ADGRL2: variants seen among roughly 807,000 people sequenced by gnomAD.
The protein encoded by ADGRL2 is adhesion G protein-coupled receptor L2.
Under a neutral mutation model 157.4 loss-of-function variants are expected in ADGRL2, and 44 were observed. The ratio of observed to expected loss-of-function variants is 0.28; its 90% CI spans 0.22 to 0.36. ADGRL2 has a LOEUF of 0.36. Ranked by LOEUF, ADGRL2 falls within the 10% of genes least tolerant of loss-of-function variation. ADGRL2 has a pLI of 1.00. For missense variants in ADGRL2, 1,510 were observed against 1,768.9 expected, an observed-to-expected ratio of 0.85 and a Z score of 2.63; for synonymous variants, 585 against 624.7, an observed-to-expected ratio of 0.94 and a Z score of 0.95.
At chr1:81,412,435 CA>C (rs2076961821) in intron 1 of ADGRL2, among the ~76,000 whole-genome samples, 1 of 152,224 alleles carries the variant, frequency 6.6e-6, no homozygotes, top group Admixed American at 6.5e-5. Flanking sequence ...TCTTCTCTTA[CA>C]GTTCAACTTT....
intron 1 of ADGRL2, among the ~76,000 whole-genome samples, chr1:81,316,073 T>C (rs946029940): frequency 1.3e-5 from 2 of 151,898 alleles, no homozygotes; most frequent in African/African-American, 4.8e-5. Flanking sequence ...CCCTTAGCTG[T>C]TTGTCTACTC....
At chr1:81,809,246 A>G (rs1338554129) in intron 1 of ADGRL2, among the ~76,000 whole-genome samples, 2 of 152,014 alleles carry the variant, frequency 1.3e-5, no homozygotes, top group Non-Finnish European at 2.9e-5. Flanking sequence ...TTAAGGCTAA[A>G]AAGTCTTTGG....
intron 2 of ADGRL2, among the ~76,000 whole-genome samples, chr1:81,540,106 A>G (rs2079846240): frequency 6.6e-6 from 1 of 152,190 alleles, no homozygotes; most frequent in Non-Finnish European, 1.5e-5. Flanking sequence ...CTCCATCTGT[A>G]AAATGAGTAA....
intron 2 of ADGRL2, among the ~76,000 whole-genome samples, chr1:81,897,419 T>C (rs1471666727): frequency 4.6e-5 from 7 of 152,136 alleles, no homozygotes; most frequent in Non-Finnish European, 1.0e-4. Flanking sequence ...TTATCAGGAA[T>C]TTTTTTAAGT....
rs553307708 is a variant in ADGRL2, at chr1:81,604,013, G to T, written c.-143+23033G>T. Among the ~76,000 whole-genome samples, 28 of 149,836 alleles carry T rather than the reference G, an allele frequency of 1.9e-4. No homozygotes were observed. The Middle Eastern group carries it at 0.01, about 55-fold the overall frequency. ...GAGTCTTGCTCTGTCCTTTAGGCTG[G>T]AATGCAGTGGCATGATCTCACCTCA... On this transcript the variant is annotated intron_variant, in intron 3 of 24. Transcript: ENST00000370721.
At position 81,513,303 on chromosome 1, in the gene ADGRL2, G is replaced by A. The variant is rs115987792; in HGVS notation, c.-247-67573G>A. On this transcript the variant is annotated intron_variant, in intron 2 of 24. Transcript: ENST00000370721. ...AGGCATCAAAAATTAGGAGAACTTT[G>A]AATAGACAATGGGTGTTGTTTTTGA... Among the ~76,000 whole-genome samples, 395 of 152,206 alleles carry A rather than the reference G, an allele frequency of 2.6e-3. 2 individuals carry two copies. Among genetic ancestry groups the A allele is most frequent in the African/African-American group, 9.0e-3 (374 of 41,522 alleles).
At chr1:81,925,694 T>C (rs2095088303) in intron 3 of ADGRL2, among the ~76,000 whole-genome samples, 1 of 152,074 alleles carries the variant, frequency 6.6e-6, no homozygotes, top group Non-Finnish European at 1.5e-5. Flanking sequence ...TGTTATTTTA[T>C]TTCTATACTT....
chr1:81,429,163 C>T (rs529352569), intron 1 of ADGRL2, among the ~76,000 whole-genome samples: 3 of 151,324 alleles, frequency 2.0e-5, no homozygotes, highest in South Asian at 4.2e-4. Context: ...CAATGACCCA[C>T]TCTTGTTAGT....
intron 2 of ADGRL2, among the ~76,000 whole-genome samples, chr1:81,466,484 T>C (rs533128012): frequency 3.9e-5 from 6 of 152,272 alleles, no homozygotes; most frequent in Admixed American, 2.6e-4. Flanking sequence ...CAGGTCTGCA[T>C]TGAAGAGATT....
In ADGRL2 at chr1:81,395,944, A is replaced by G. The variant is rs1193959360; in HGVS notation, c.-301-49092A>G. 3.3e-5 allele frequency among the ~76,000 whole-genome samples: 5 copies of G among 152,272 alleles called. No individual in the cohort carries two copies. In the South Asian group the frequency reaches 6.2e-4, roughly 19 times the overall value. ...GTACCATGTTATTTAGCTTTGCAGT[A>G]TATTTTGAAGTCAGATAGTGTGATG... is the stretch of plus-strand genomic sequence containing the variant. On this transcript the variant is annotated intron_variant, in intron 1 of 24. Transcript: ENST00000370721.
At chr1:81,516,087 C>A (rs1229363208) in intron 2 of ADGRL2, among the ~76,000 whole-genome samples, 1 of 152,086 alleles carries the variant, frequency 6.6e-6, no homozygotes, top group African/African-American at 2.4e-5. Context: ...GTTACATAAA[C>A]AATACTTGAA....
intron 1 of ADGRL2, among the ~76,000 whole-genome samples, chr1:81,729,683 T>A (rs1046416095): frequency 6.6e-6 from 1 of 152,256 alleles, no homozygotes; most frequent in Non-Finnish European, 1.5e-5. Context: ...ATTTCTCATT[T>A]AACTGATTTC....
chr1:81,449,996 G>A (rs1332359442), intron 2 of ADGRL2, among the ~76,000 whole-genome samples: 3 of 152,130 alleles, frequency 2.0e-5, no homozygotes, highest in African/African-American at 4.8e-5. Flanking sequence ...TATCAAGCAC[G>A]AGCATTCCAC....
intron 3 of ADGRL2, among the ~76,000 whole-genome samples, chr1:81,659,444 A>T (rs910739585): frequency 1.3e-5 from 2 of 152,124 alleles, no homozygotes; most frequent in Non-Finnish European, 2.9e-5. Context: ...TGAAAGGATA[A>T]ACGTAGAGGG....
At chr1:81,669,942 CAA>C (rs11389637) in intron 3 of ADGRL2, among the ~76,000 whole-genome samples, 2 of 88,026 alleles carry the variant, frequency 2.3e-5, no homozygotes. Flanking sequence ...GACTACGTCT[CAA>C]AAAAAAAAAA....
chr1:81,589,476 A>G (rs1185011527), intron 3 of ADGRL2, among the ~76,000 whole-genome samples: 1 of 152,136 alleles, frequency 6.6e-6, no homozygotes, highest in Non-Finnish European at 1.5e-5. Flanking sequence ...CAATAACCAC[A>G]TATCTTGTAT....
Position 81,942,058 on chromosome 1 carries a change from C to T in ADGRL2, c.409+13C>T, listed in dbSNP as rs199581647. 2 of 768,184 alleles carry T rather than the reference C, an allele frequency of 2.6e-6. No homozygotes were observed. The highest frequency in any genetic ancestry group is 2.5e-5 in the East Asian group (1 of 40,760). The allele number at this position is 768,184 out of a possible 1,614,324, so 47.6% of individuals were successfully genotyped here. A position where few individuals can be genotyped will look rare whatever the true frequency, so the allele number is the denominator to read the frequency against. On this transcript the variant is annotated intron_variant, in intron 5 of 23. Coordinates refer to ENST00000686636, the MANE Select transcript of ADGRL2 (RefSeq NM_001366006.2). ...GTGGAGCAAAAAGGTAAATAACATA[C>T]AGTCTGAACCCCAGCTCCCTGTTAT... is the stretch of plus-strand genomic sequence containing the variant.
At chr1:81,817,804 T>C (rs1366290312) in intron 1 of ADGRL2, among the ~76,000 whole-genome samples, 2 of 152,032 alleles carry the variant, frequency 1.3e-5, no homozygotes, top group Non-Finnish European at 2.9e-5. Flanking sequence ...TTTACCGTTA[T>C]CTACCTCTCA....
At chr1:81,441,880 C>T (rs2077514210) in intron 1 of ADGRL2, among the ~76,000 whole-genome samples, 1 of 152,072 alleles carries the variant, frequency 6.6e-6, no homozygotes, top group Non-Finnish European at 1.5e-5. Flanking sequence ...CACTGTGCTG[C>T]CCAGGCTGGC....
Sources: allele counts gnomAD v4.1 joint callset (sites outside exome capture counted in the v4.1 genomes callset), GRCh38; gene constraint gnomAD v4.1.1; transcripts MANE v1.5; gene names NCBI Gene and HGNC (gene_info 2026-07-23, HGNC 2026-07-21).